KHDRBS2: variants seen among roughly 807,000 people sequenced by gnomAD.
KHDRBS2 encodes the protein KH RNA binding domain containing, signal transduction associated 2.
KHDRBS2 carries 26 observed loss-of-function variants against 44.3 expected under a neutral mutation model. The observed-to-expected ratio is 0.59, with a 90% CI of 0.43 to 0.81. KHDRBS2 has a LOEUF of 0.81. Ranked by LOEUF, KHDRBS2 falls within the 40% of genes least tolerant of loss-of-function variation. The pLI is 0.00. For synonymous variants in KHDRBS2, 194 were observed against 151.1 expected (o/e 1.28, Z -2.08); for missense variants, 476 against 433.1 (o/e 1.10, Z -0.88).
intron 1 of KHDRBS2, among the ~76,000 whole-genome samples, chr6:62,252,512 A>G (rs1426229582): frequency 6.6e-6 from 1 of 151,908 alleles, no homozygotes; most frequent in Non-Finnish European, 1.5e-5. Flanking sequence ...ATCATTTCCA[A>G]CCAAACAGAT....
At chr6:61,703,333 G>T (rs768644990) in intron 7 of KHDRBS2, among the ~76,000 whole-genome samples, 1 of 151,694 alleles carries the variant, frequency 6.6e-6, no homozygotes, top group Non-Finnish European at 1.5e-5. Context: ...TTAAACACGA[G>T]CTTTTGATAT....
At chr6:61,984,997 T>A (rs1352782742) in intron 3 of KHDRBS2, among the ~76,000 whole-genome samples, 1 of 152,142 alleles carries the variant, frequency 6.6e-6, no homozygotes, top group Non-Finnish European at 1.5e-5. Context: ...GTGGTGCTCA[T>A]AAAAAAATCA....
the KHDRBS2 span, among the ~76,000 whole-genome samples, chr6:61,644,303 A>C: frequency 6.6e-6 from 1 of 152,168 alleles, no homozygotes; most frequent in Non-Finnish European, 1.5e-5. Flanking sequence ...AAAATAATCA[A>C]GTAACAATGG....
intron 2 of KHDRBS2, among the ~76,000 whole-genome samples, chr6:62,124,534 A>T (rs57758995): frequency 0.01 from 1,554 of 151,120 alleles, 30 homozygotes; most frequent in African/African-American, 0.035. Context: ...TTCAATAGGA[A>T]CTTGCTCAAT....
chr6:62,249,577 T>G (rs1563134958), intron 1 of KHDRBS2, among the ~76,000 whole-genome samples: 2 of 152,014 alleles, frequency 1.3e-5, no homozygotes, highest in African/African-American at 4.8e-5. Context: ...TCATAAATAT[T>G]AAGTAACTTA....
At chr6:61,883,446 G>A (rs1235574244) in intron 6 of KHDRBS2, among the ~76,000 whole-genome samples, 1 of 152,014 alleles carries the variant, frequency 6.6e-6, no homozygotes, top group African/African-American at 2.4e-5. Flanking sequence ...TGTTACAAAA[G>A]ACATTAGTCA....
intron 1 of KHDRBS2, among the ~76,000 whole-genome samples, chr6:62,272,579 G>A (rs1840261371): frequency 6.6e-6 from 1 of 152,118 alleles, no homozygotes; most frequent in South Asian, 2.1e-4. Context: ...GACCCCAATG[G>A]AGGCAGTAAA....
At chr6:61,698,994 A>T (rs578173354) in intron 7 of KHDRBS2, among the ~76,000 whole-genome samples, 1 of 152,198 alleles carries the variant, frequency 6.6e-6, no homozygotes, top group Admixed American at 6.6e-5. Flanking sequence ...ATATTATATA[A>T]ACAAACACAC....
At chr6:62,285,650 C>T (rs1431481773) in intron 1 of KHDRBS2, among the ~76,000 whole-genome samples, 4 of 152,162 alleles carry the variant, frequency 2.6e-5, no homozygotes, top group Non-Finnish European at 4.4e-5. Flanking sequence ...TAGCTTTGGT[C>T]TTCTCCAAAT....
At chr6:61,637,386 G>C in the KHDRBS2 span, among the ~76,000 whole-genome samples, 2 of 152,218 alleles carry the variant, frequency 1.3e-5, no homozygotes, top group South Asian at 4.1e-4. Context: ...TGGCTGCATA[G>C]TATTCTGTGG....
At chr6:62,142,325 A>C (rs1813003117) in intron 2 of KHDRBS2, among the ~76,000 whole-genome samples, 1 of 152,022 alleles carries the variant, frequency 6.6e-6, no homozygotes, top group African/African-American at 2.4e-5. Flanking sequence ...TGATGGGTAG[A>C]AATGTGTCTT....
At chr6:62,038,812 C>T (rs1785856071) in intron 3 of KHDRBS2, among the ~76,000 whole-genome samples, 1 of 151,988 alleles carries the variant, frequency 6.6e-6, no homozygotes, top group Non-Finnish European at 1.5e-5. Context: ...TAAAACCATA[C>T]AAATAATAAC....
chr6:62,079,454 T>G lies in KHDRBS2; in HGVS notation c.220-31460A>C, dbSNP rs893720868. ...TAATTAAAAAAATTAAAATATATTT[T>G]ACATTTGTCACTGCAGAAAATTCTA... On this transcript the variant is annotated intron_variant, in intron 2 of 8. Coordinates refer to ENST00000281156, the MANE Select transcript of KHDRBS2 (RefSeq NM_152688.4). Among the ~76,000 whole-genome samples, 3 of 152,030 alleles carry G rather than the reference T, an allele frequency of 2.0e-5. No individual in the cohort carries two copies. In the South Asian group the frequency reaches 6.2e-4, roughly 31 times the overall value.
chr6:62,214,998 T>A (rs10455678), intron 1 of KHDRBS2, among the ~76,000 whole-genome samples: 1 of 148,516 alleles, frequency 6.7e-6, no homozygotes, highest in African/African-American at 2.5e-5. Context: ...GATAAAAAAA[T>A]TTAAAATCCA....
intron 3 of KHDRBS2, among the ~76,000 whole-genome samples, chr6:62,045,557 G>A (rs1432734693): frequency 6.6e-6 from 1 of 151,868 alleles, no homozygotes; most frequent in Admixed American, 6.6e-5. Flanking sequence ...CTTTCCCATT[G>A]GAATGTAAAC....
chr6:61,787,543 T>C (rs1413672671), intron 6 of KHDRBS2, among the ~76,000 whole-genome samples: 2 of 151,764 alleles, frequency 1.3e-5, no homozygotes, highest in Admixed American at 6.6e-5. Flanking sequence ...TAAACAAATG[T>C]CAAAGGTTTC....
intron 2 of KHDRBS2, among the ~76,000 whole-genome samples, chr6:62,146,799 G>A (rs1399227344): frequency 1.3e-5 from 2 of 151,188 alleles, no homozygotes; most frequent in Non-Finnish European, 3.0e-5. Flanking sequence ...GAAAAAAATG[G>A]TACGCTATAC....
intron 2 of KHDRBS2, among the ~76,000 whole-genome samples, chr6:62,049,410 A>G (rs577846079): frequency 6.6e-6 from 1 of 151,996 alleles, no homozygotes; most frequent in East Asian, 1.9e-4. Flanking sequence ...CTAAAATTAT[A>G]AAGATTCTAA....
the KHDRBS2 span, among the ~76,000 whole-genome samples, chr6:61,674,075 T>A: frequency 6.6e-6 from 1 of 151,726 alleles, no homozygotes; most frequent in Non-Finnish European, 1.5e-5. Flanking sequence ...ATGTGAGTGG[T>A]TTTCTTAAAT....
Sources: gnomAD v4.1 joint callset for allele counts (sites outside exome capture counted in the v4.1 genomes callset) on GRCh38, gnomAD v4.1.1 for gene constraint, MANE v1.5 for transcripts, NCBI Gene and HGNC (gene_info 2026-07-23, HGNC 2026-07-21) for gene names.